DHX33: variants seen among roughly 807,000 people sequenced by gnomAD.
DHX33 encodes the protein ATP-dependent RNA helicase DHX33.
A neutral mutation model predicts 72.5 loss-of-function variants in DHX33; 42 were observed. That is an observed-to-expected ratio of 0.58 (90% CI 0.45 to 0.75). DHX33 has a LOEUF of 0.75. Among genes scored for constraint, DHX33 ranks in the 30% least tolerant of loss-of-function variants. The probability of loss-of-function intolerance (pLI) is 0.00; values close to 1 mark genes in which losing one functional copy is unlikely to be tolerated. For missense variants in DHX33, 842 were observed against 917.5 expected (o/e 0.92, Z 1.06); for synonymous variants, 358 against 366.1 (o/e 0.98, Z 0.25).
At chr17:5,462,056 C>T (rs1904652812) in intron 3 of DHX33, among the ~76,000 whole-genome samples, 1 of 150,810 alleles carries the variant, frequency 6.6e-6, no homozygotes, top group African/African-American at 2.4e-5. Flanking sequence ...TCTCATGCCT[C>T]AGCCACCCAA....
chr17:5,450,213 C>T lies in DHX33; in HGVS notation c.1718G>A (p.Gly573Asp), dbSNP rs148615687. 1.5e-4 allele frequency: 249 copies of T among 1,614,052 alleles called. No individual in the cohort carries two copies. The highest frequency in any genetic ancestry group is 2.0e-4 in the Non-Finnish European group (234 of 1,180,046). Residue 573 changes from glycine (G) to aspartate (D), a missense_variant, in exon 10 of 12, where the codon GGC becomes GAC. Gly to Asp is a moderately conservative substitution (Grantham distance 94). Transcript: ENST00000225296. ...LNIYRTFKNL[G>D]GNKDWCKENF... ...CAAGACAAGGCTCACCTTATTTCCG[C>T]CTAGGTTTTTGAAGGTCCGATAGAT...
intron 4 of DHX33, among the ~76,000 whole-genome samples, chr17:5,459,865 T>C (rs1055595937): frequency 1.5e-4 from 23 of 151,722 alleles, no homozygotes; most frequent in African/African-American, 5.1e-4. Context: ...CAGACTGGTC[T>C]TGAACTCCTG....
At chr17:5,445,794 G>T (rs1156308570) in intron 11 of DHX33, among the ~76,000 whole-genome samples, 1 of 152,192 alleles carries the variant, frequency 6.6e-6, no homozygotes, top group East Asian at 1.9e-4. Flanking sequence ...AGCAAGAGAA[G>T]CAGCAGGTCC....
rs1904678279 is a variant in DHX33 at position 5,462,360 on chromosome 17, C to T, written c.637G>A (p.Ala213Thr). The T allele has an allele frequency of 1.2e-6, 2 of 1,614,204 alleles. No individual in the cohort carries two copies. The highest frequency in any genetic ancestry group is 4.5e-5 in the East Asian group (2 of 44,886). The change falls in exon 3 of 12, where the codon GCA becomes ACA. Residue 213 changes from alanine (A) to threonine (T), a missense_variant. By Grantham distance (58) the Ala-to-Thr change is moderately conservative. Transcript: ENST00000225296. ...CCGAGTTCCTTTCTCCTCTTCTGTG[C>T]AGCTTTCACCACTCCAAAGAGCACA... ...TDVLFGVVKA[A>T]QKRRKELGKL... is the part of the protein sequence containing the mutation.
chr17:5,460,874 A>G, intron 4 of DHX33, 65 bp downstream of exon 4: 1 of 1,532,558 alleles, frequency 6.5e-7, no homozygotes, highest in Non-Finnish European at 8.8e-7. Flanking sequence ...TTCAAGGCTC[A>G]ATGTTCTCAC....
At chr17:5,453,502 CT>C in intron 8 of DHX33, 77 bp downstream of exon 8, 1 of 1,163,510 alleles carries the variant, frequency 8.6e-7, no homozygotes, top group East Asian at 2.3e-5. Context: ...GACCAATATA[CT>C]TTATTTTTTT....
At chr17:5,463,763 ATAATCTCAGCACTTTG>A in intron 1 of DHX33, 74 bp from the exon 2 acceptor site, 1 of 1,436,060 alleles carries the variant, frequency 7.0e-7, no homozygotes, top group Non-Finnish European at 9.2e-7. Context: ...GCTGGCACCT[ATAATCTCAGCACTTTG>A]GGAGGCCGAG....
At position 5,444,098 on chromosome 17, in the gene DHX33, C is replaced by T; in HGVS notation, c.*107G>A. On this transcript the variant is annotated 3_prime_UTR_variant, in exon 12 of 12. Transcript: ENST00000225296. The surrounding 1 kb of genome is among the most constrained non-coding windows in gnomAD (Gnocchi z 4.9). ...CACGCTCCTGGAAGTCAGGCACCTT[C>T]AGCTGATTCCAAGGCTTCTCTAAGC... 2 of 1,338,208 alleles carry T rather than the reference C, an allele frequency of 1.5e-6. No homozygotes were observed. The highest frequency in any genetic ancestry group is 1.5e-5 in the South Asian group (1 of 67,036). 82.9% of individuals were successfully genotyped at this position (1,338,208 alleles called of 1,614,324 possible). A position where few individuals can be genotyped will look rare whatever the true frequency, so the allele number is the denominator to read the frequency against.
chr17:5,451,703 A>G (rs1916922056), intron 8 of DHX33, among the ~76,000 whole-genome samples: 1 of 152,238 alleles, frequency 6.6e-6, no homozygotes, highest in South Asian at 2.1e-4. Flanking sequence ...AAAGAATAAA[A>G]AAGCATTTCT....
At chr17:5,461,924 A>C (rs1048588020) in intron 3 of DHX33, among the ~76,000 whole-genome samples, 6 of 148,982 alleles carry the variant, frequency 4.0e-5, no homozygotes, top group South Asian at 2.1e-4. Flanking sequence ...TATGCTATTT[A>C]ATGAACTTTC....
At chr17:5,446,344 C>T (rs1267502041) in intron 11 of DHX33, among the ~76,000 whole-genome samples, 1 of 152,154 alleles carries the variant, frequency 6.6e-6, no homozygotes, top group African/African-American at 2.4e-5. Context: ...CTCCAAGAAG[C>T]CCCAGAGGCT....
chr17:5,454,079 CG>C, intron 6 of DHX33, 99 bp from the exon 7 acceptor site: 2 of 1,410,608 alleles, frequency 1.4e-6, no homozygotes, highest in Middle Eastern at 2.5e-4. Flanking sequence ...TTCAGCAACA[CG>C]GGGGTCCAGA....
At chr17:5,453,043 A>G (rs1044827756) in intron 8 of DHX33, among the ~76,000 whole-genome samples, 2 of 152,260 alleles carry the variant, frequency 1.3e-5, no homozygotes. Flanking sequence ...TCTGTAGAGA[A>G]ATTACTAATG....
In DHX33 at chr17:5,444,329, A is replaced by C. The variant is rs1194334485; in HGVS notation, c.2000T>G (p.Val667Gly). 1 of 1,614,082 alleles carries C rather than the reference A, an allele frequency of 6.2e-7. No homozygotes were observed. The highest frequency in any genetic ancestry group is 8.5e-7 in the Non-Finnish European group (1 of 1,180,002). ...GTTGGTGTAGAGCAGCTCAGTGTAC[A>C]CGACGCAGGCCGGCTTGCAGTGGAA... The part of the protein sequence containing the change: ...VLFHCKPACV[V>G]YTELLYTNKC... The change falls in exon 12 of 12, where the codon GTG (valine) becomes GGG (glycine). Residue 667 changes from valine (V) to glycine (G), a missense_variant. Physicochemically the swap from Val to Gly is moderately radical, Grantham distance 109. Transcript: ENST00000225296. The surrounding 1 kb of genome is among the most constrained non-coding windows in gnomAD (Gnocchi z 4.9).
In DHX33 at chr17:5,465,225, T is replaced by G. The variant is rs147042655; in HGVS notation, c.290-1536A>C. Among the ~76,000 whole-genome samples the G allele has an allele frequency of 7.0e-4, 107 of 152,326 alleles. 5 individuals carry two copies. In the East Asian group the frequency reaches 0.017, roughly 24 times the overall value. On this transcript the variant is annotated intron_variant, in intron 1 of 11. Transcript: ENST00000225296. ...CTAGCTACCACCAGGCCTCTCTGAC[T>G]TCAAAAAGTCCTCCAGTCCCATGAT...
At chr17:5,449,111 T>A (rs550224831) in intron 10 of DHX33, among the ~76,000 whole-genome samples, 2 of 152,216 alleles carry the variant, frequency 1.3e-5, no homozygotes, top group Non-Finnish European at 2.9e-5. Context: ...AGAGAAAATA[T>A]AACAACATTT....
intron 3 of DHX33, 179 bp from the exon 4 acceptor site, chr17:5,461,288 G>A: frequency 2.1e-6 from 1 of 469,946 alleles, no homozygotes; most frequent in Non-Finnish European, 3.6e-6. Flanking sequence ...ACACAGGTCT[G>A]TTTCCTTTCC....
chr17:5,468,621 C>G lies in DHX33; in HGVS notation c.239G>C (p.Arg80Pro). The change falls in exon 1 of 12, where the codon CGG becomes CCG. Residue 80 changes from arginine to proline, a missense_variant. By Grantham distance (103) the Arg-to-Pro change is moderately radical (BLOSUM62 -2). Coordinates refer to ENST00000225296, the MANE Select transcript of DHX33 (RefSeq NM_020162.4). ...TCGGAGCTGGGCCAACAGTTGCCCC[C>G]GCGCTTGGAAGATGGGCAGACTCCG... ...QRRSLPIFQA[R>P]GQLLAQLRNL... The G allele has an allele frequency of 6.2e-7, 1 of 1,610,810 alleles. No homozygotes were observed. Among genetic ancestry groups the G allele is most frequent in the Non-Finnish European group, 8.5e-7 (1 of 1,179,224 alleles).
chr17:5,459,916 G>T (rs1904502422), intron 4 of DHX33, among the ~76,000 whole-genome samples: 1 of 147,232 alleles, frequency 6.8e-6, no homozygotes. Flanking sequence ...CAAAGCGTTG[G>T]GATTACAGGT....
Sources: allele counts gnomAD v4.1 joint callset (sites outside exome capture counted in the v4.1 genomes callset), GRCh38; gene constraint gnomAD v4.1.1; non-coding constraint Gnocchi (gnomAD v3.1); transcripts MANE v1.5; gene names NCBI Gene and HGNC (gene_info 2026-07-23, HGNC 2026-07-21).